The following FANCC variants were observed in gnomAD, a reference collection of about 807,000 sequenced individuals.
FANCC encodes the protein Fanconi anemia group C protein.
In FANCC, 55 loss-of-function variants were observed where a neutral mutation model predicts 71.3. That is an observed-to-expected ratio of 0.77 (90% CI 0.62 to 0.97). The LOEUF (loss-of-function observed/expected upper bound fraction) is 0.97. FANCC is among the 50% of genes least tolerant of loss of function. The pLI is 0.00. For synonymous variants in FANCC, 275 were observed against 244.9 expected, an observed-to-expected ratio of 1.12 and a Z score of -1.15; for missense variants, 678 against 670.9, an observed-to-expected ratio of 1.01 and a Z score of -0.12.
At chr9:95,245,681 G>A (rs1830922285) in intron 3 of FANCC, among the ~76,000 whole-genome samples, 1 of 151,946 alleles carries the variant, frequency 6.6e-6, no homozygotes, top group Non-Finnish European at 1.5e-5. Flanking sequence ...TGAATCGCCT[G>A]AGGTCAGGAG....
At chr9:95,173,758 A>G (rs1825839734) in intron 4 of FANCC, among the ~76,000 whole-genome samples, 1 of 152,146 alleles carries the variant, frequency 6.6e-6, no homozygotes, top group African/African-American at 2.4e-5. Flanking sequence ...TCTATAAAAA[A>G]TACAAAAAAA....
At chr9:95,185,722 A>G (rs1337575777) in intron 4 of FANCC, among the ~76,000 whole-genome samples, 4 of 152,242 alleles carry the variant, frequency 2.6e-5, no homozygotes, top group East Asian at 1.9e-4. Flanking sequence ...CACAGAATCC[A>G]TATCTACCTA....
chr9:95,181,246 T>C (rs1214025053), intron 4 of FANCC, among the ~76,000 whole-genome samples: 1 of 151,916 alleles, frequency 6.6e-6, no homozygotes, highest in Non-Finnish European at 1.5e-5. Flanking sequence ...GTAATATAAG[T>C]GGCTATGAAG....
At chr9:95,298,921 C>T (rs531061245) in intron 1 of FANCC, among the ~76,000 whole-genome samples, 1 of 152,308 alleles carries the variant, frequency 6.6e-6, no homozygotes, top group South Asian at 2.1e-4. Context: ...CATACAGTAA[C>T]ATCAGACAGA....
chr9:95,111,634 G>A lies in FANCC; in HGVS notation c.1158C>T (p.Ser386=), dbSNP rs2134551867. 6.2e-7 allele frequency: 1 copy of A among 1,614,152 alleles called. No homozygotes were observed. The highest frequency in any genetic ancestry group is 2.2e-5 in the East Asian group (1 of 44,888). The change falls in exon 13 of 15, where the codon TCC becomes TCT. Residue 386 remains serine (S), a synonymous_variant. Coordinates refer to ENST00000289081, the MANE Select transcript of FANCC (RefSeq NM_000136.3). ...REAVEDQTHG[S]CGGPFESWFL... ...ACCAGCTCTCAAAGGGACCTCCGCA[G>A]GACCTGGAACAGAGGCAGAACACAT... is the stretch of plus-strand genomic sequence containing the variant.
intron 10 of FANCC, among the ~76,000 whole-genome samples, chr9:95,122,159 A>G (rs2072938210): frequency 6.6e-6 from 1 of 152,176 alleles, no homozygotes; most frequent in African/African-American, 2.4e-5. Context: ...CGCCTGGCAC[A>G]TAAAATTCAA....
chr9:95,178,900 A>G (rs1225637853), intron 4 of FANCC, among the ~76,000 whole-genome samples: 3 of 152,230 alleles, frequency 2.0e-5, no homozygotes, highest in African/African-American at 7.2e-5. Flanking sequence ...ACTCTGTAAA[A>G]GCCACTTATG....
intron 1 of FANCC, among the ~76,000 whole-genome samples, chr9:95,266,069 ATGCAAGG>A (rs1311365757): frequency 2.0e-5 from 3 of 152,212 alleles, no homozygotes; most frequent in Admixed American, 2.0e-4. Flanking sequence ...TCAAAATCAA[ATGCAAGG>A]TGCTTGCTGC....
chr9:95,292,521 G>A, intron 1 of FANCC: 2 of 1,493,682 alleles, frequency 1.3e-6, no homozygotes, highest in South Asian at 1.3e-5. Context: ...CGCGGCCTCC[G>A]TGCTGGCGGG....
At chr9:95,203,731 C>G (rs889628851) in intron 4 of FANCC, among the ~76,000 whole-genome samples, 1 of 152,016 alleles carries the variant, frequency 6.6e-6, no homozygotes, top group African/African-American at 2.4e-5. Flanking sequence ...AATATGTTTT[C>G]CAAAACAAAA....
At chr9:95,197,300 G>A (rs1324141266) in intron 4 of FANCC, among the ~76,000 whole-genome samples, 2 of 152,182 alleles carry the variant, frequency 1.3e-5, no homozygotes, top group African/African-American at 4.8e-5. Context: ...ACCTTGAGAG[G>A]CCGAGGTAGG....
chr9:95,099,430 A>ACGCCGCGTCCC lies in FANCC; in HGVS notation c.*2266_*2276dup, dbSNP rs1588003757. On this transcript the variant is annotated 3_prime_UTR_variant, in exon 15 of 15. Transcript: ENST00000289081. ...CAACGCCGTCAAGGCCCCCTCGGCC[A>ACGCCGCGTCCC]CGCCGCGTCCCCGCCCAGCATCTCG... 2 of 222,080 alleles carry ACGCCGCGTCCC rather than the reference A, an allele frequency of 9.0e-6. No homozygotes were observed. The highest frequency in any genetic ancestry group is 1.8e-5 in the Non-Finnish European group (2 of 113,428). 13.8% of individuals were successfully genotyped at this position (222,080 alleles called of 1,614,324 possible). A position where few individuals can be genotyped will look rare whatever the true frequency, so the allele number is the denominator to read the frequency against.
At chr9:95,261,136 G>A (rs983655997) in intron 1 of FANCC, among the ~76,000 whole-genome samples, 1 of 152,194 alleles carries the variant, frequency 6.6e-6, no homozygotes, top group South Asian at 2.1e-4. Context: ...AGTGTCACCC[G>A]AAGCAGACAT....
intron 4 of FANCC, among the ~76,000 whole-genome samples, chr9:95,213,707 A>C (rs1828655384): frequency 6.6e-6 from 1 of 152,238 alleles, no homozygotes; most frequent in Admixed American, 6.5e-5. Context: ...TAAAATTCTT[A>C]GAAGAAAAGA....
intron 6 of FANCC, among the ~76,000 whole-genome samples, chr9:95,154,198 A>T (rs923574452): frequency 6.9e-6 from 1 of 143,890 alleles, no homozygotes; most frequent in East Asian, 2.1e-4. Flanking sequence ...GTGAGCTGAC[A>T]TCACGCCACT....
intron 1 of FANCC, among the ~76,000 whole-genome samples, chr9:95,261,870 G>A (rs1465464862): frequency 6.6e-6 from 1 of 152,164 alleles, no homozygotes; most frequent in Non-Finnish European, 1.5e-5. Flanking sequence ...TGCCAGGTGG[G>A]AGCGGATCCT....
chr9:95,174,830 A>G (rs1825910576), intron 4 of FANCC, among the ~76,000 whole-genome samples: 1 of 152,146 alleles, frequency 6.6e-6, no homozygotes, highest in South Asian at 2.1e-4. Flanking sequence ...CAGGCTCCAT[A>G]GACCCGGGAC....
chr9:95,293,622 G>T, intron 1 of FANCC: 1 of 1,614,176 alleles, frequency 6.2e-7, no homozygotes, highest in Non-Finnish European at 8.5e-7. Context: ...TATACCTTCT[G>T]CACAGTGGGC....
intron 7 of FANCC, among the ~76,000 whole-genome samples, chr9:95,138,630 G>A (rs751007013): frequency 3.3e-5 from 5 of 152,198 alleles, no homozygotes; most frequent in East Asian, 1.9e-4. Context: ...CTGGAAAGGC[G>A]TTTCACTGCA....
Sources: allele counts gnomAD v4.1 joint callset (sites outside exome capture counted in the v4.1 genomes callset), GRCh38; gene constraint gnomAD v4.1.1; transcripts MANE v1.5; gene names NCBI Gene and HGNC (gene_info 2026-07-23, HGNC 2026-07-21).